Variants in VAV2 observed in about 807,000 individuals in gnomAD.
VAV2 encodes the protein vav guanine nucleotide exchange factor 2.
In VAV2, 67 loss-of-function variants were observed where a neutral mutation model predicts 132.5. The observed-to-expected ratio is 0.51, with a 90% CI of 0.42 to 0.62. VAV2 has a LOEUF of 0.62. Ranked by LOEUF, VAV2 falls within the 20% of genes least tolerant of loss-of-function variation. The pLI is 0.00. For synonymous variants in VAV2, 492 were observed against 443.5 expected (o/e 1.11, Z -1.37); for missense variants, 938 against 1,153.6 (o/e 0.81, Z 2.71).
intron 4 of VAV2, among the ~76,000 whole-genome samples, chr9:133,819,289 CA>C (rs370571874): frequency 4.0e-5 from 6 of 148,450 alleles, no homozygotes; most frequent in East Asian, 2.0e-4. Context: ...CTAAAAAATA[CA>C]AAAAAAAAAT....
chr9:133,834,792 C>A lies in VAV2; in HGVS notation c.381-452G>T, dbSNP rs1003375920. Reference sequence around the variant, plus strand: ...ACGCAGGAGAGGAAGCAGGAGGGGACTCCGGAAGGGAGGGGTGACTTCTGA... The same window carrying A: ...ACGCAGGAGAGGAAGCAGGAGGGGAATCCGGAAGGGAGGGGTGACTTCTGA... On this transcript the variant is annotated intron_variant, in intron 3 of 29. Coordinates refer to ENST00000371850, the MANE Select transcript of VAV2 (RefSeq NM_001134398.2). This position sits in a 1 kb window ranked among gnomAD's most constrained non-coding sequence, Gnocchi z 5.9. Among the ~76,000 whole-genome samples, 3 of 152,204 alleles carry A rather than the reference C, an allele frequency of 2.0e-5. No homozygotes were observed. Among genetic ancestry groups the A allele is most frequent in the African/African-American group, 7.2e-5 (3 of 41,450 alleles).
rs147715595 is a variant in VAV2 at position 133,973,514 on chromosome 9, G to T, written c.204+18561C>A. 4.8e-3 allele frequency among the ~76,000 whole-genome samples: 728 copies of T among 152,286 alleles called. 5 individuals are homozygous for T. The highest frequency in any genetic ancestry group is 0.016 in the African/African-American group (671 of 41,538). ...CTCTCCCCGGAAGGCCATCTGCAAA[G>T]GGCAGCGGTGCAGAAAACCACTCCC... is the stretch of plus-strand genomic sequence containing the variant. On this transcript the variant is annotated intron_variant, in intron 1 of 29. Coordinates refer to ENST00000371850, the MANE Select transcript of VAV2 (RefSeq NM_001134398.2).
chr9:133,790,967 G>A (rs550441921), intron 13 of VAV2, among the ~76,000 whole-genome samples: 16 of 152,140 alleles, frequency 1.1e-4, no homozygotes, highest in Admixed American at 2.6e-4. Flanking sequence ...GGCATATCTG[G>A]TTGGCATTAC....
Position 133,768,505 on chromosome 9 carries a change from C to G in VAV2, c.2526G>C (p.Val842=). 6.2e-7 allele frequency: 1 copy of G among 1,614,012 alleles called. No homozygotes were observed. Among genetic ancestry groups the G allele is most frequent in the Non-Finnish European group, 8.5e-7 (1 of 1,180,000 alleles). Residue 842 remains valine (V), a synonymous_variant, in exon 29 of 30, where the codon GTG becomes GTC. Coordinates refer to ENST00000371850, the MANE Select transcript of VAV2 (RefSeq NM_001134398.2). The surrounding 1 kb of genome is among the most constrained non-coding windows in gnomAD (Gnocchi z 5.3). ...CGCCGATGCGGCTGTAGATCCTCAC[C>G]ACGTCACCCTCCCGCAGCGAAAGCT... ...MRELSLREGD[V]VRIYSRIGGD... is the part of the protein sequence containing the mutation.
chr9:133,861,453 C>T lies in VAV2; in HGVS notation c.322-21G>A, dbSNP rs745631745. ...ATGACCTGGGGGAGACAAGAAGAGA[C>T]GCTCCTGTAATTTCACAAGAAACCA... On this transcript the variant is annotated intron_variant, in intron 2 of 29. Transcript: ENST00000371850. 8.1e-6 allele frequency: 13 copies of T among 1,611,424 alleles called. No homozygotes were observed. The Middle Eastern group carries it at 5.0e-4, about 61-fold the overall frequency.
At chr9:133,835,259 CACTCTGCTCCATCCTCT>C (rs1836423736) in intron 3 of VAV2, among the ~76,000 whole-genome samples, 1 of 152,158 alleles carries the variant, frequency 6.6e-6, no homozygotes, top group African/African-American at 2.4e-5. Flanking sequence ...CCCAAAACAT[CACTCTGCTCCATCCTCT>C]GCAGACAGAC....
At chr9:133,943,100 C>T (rs1204500615) in intron 1 of VAV2, among the ~76,000 whole-genome samples, 2 of 151,894 alleles carry the variant, frequency 1.3e-5, no homozygotes, top group African/African-American at 4.9e-5. Context: ...GAAGCCATGT[C>T]GACATCGGCC....
intron 25 of VAV2, among the ~76,000 whole-genome samples, chr9:133,772,729 T>A (rs935248241): frequency 1.3e-5 from 2 of 152,026 alleles, no homozygotes; most frequent in Non-Finnish European, 2.9e-5. Context: ...CAAATCTCTC[T>A]CCCATACAGT....
At chr9:133,886,146 G>A (rs1404573075) in intron 2 of VAV2, among the ~76,000 whole-genome samples, 3 of 152,122 alleles carry the variant, frequency 2.0e-5, no homozygotes, top group Non-Finnish European at 2.9e-5. Context: ...GGAAAGACAG[G>A]AAGGAGCACC....
intron 29 of VAV2, among the ~76,000 whole-genome samples, chr9:133,765,489 T>C (rs963443337): frequency 1.3e-5 from 2 of 152,120 alleles, no homozygotes; most frequent in African/African-American, 4.8e-5. Context: ...CAAACCTAAA[T>C]TGAGAGATAT....
chr9:133,945,205 T>C (rs1052053785), intron 1 of VAV2, among the ~76,000 whole-genome samples: 2 of 152,212 alleles, frequency 1.3e-5, no homozygotes, highest in African/African-American at 4.8e-5. Context: ...ATCCTGTCTA[T>C]GGGTTTCTGG....
rs977703037 is a variant in VAV2, at chr9:133,834,415, C to T, written c.381-75G>A. The stretch of plus-strand genomic sequence containing the variant: ...CCAGTGGGACCCCAGCTGGACCCCA[C>T]AGCAGAGCCCAGTGTGGCCCAGCCA... On this transcript the variant is annotated intron_variant, in intron 3 of 29. Coordinates refer to ENST00000371850, the MANE Select transcript of VAV2 (RefSeq NM_001134398.2). This position sits in a 1 kb window ranked among gnomAD's most constrained non-coding sequence, Gnocchi z 5.9. 6.1e-6 allele frequency: 9 copies of T among 1,484,176 alleles called. No homozygotes were observed. The highest frequency in any genetic ancestry group is 3.6e-5 in the South Asian group (3 of 83,872). 91.9% of individuals were successfully genotyped at this position (1,484,176 alleles called of 1,614,324 possible).
intron 1 of VAV2, 112 bp from the exon 2 acceptor site, chr9:133,939,331 C>G (rs1841047200): frequency 1.1e-6 from 1 of 929,064 alleles, no homozygotes; most frequent in South Asian, 1.3e-5. Flanking sequence ...CCAGCACATC[C>G]AAGCTCATTC....
chr9:133,773,386 GGA>G (rs1291116625), intron 25 of VAV2, among the ~76,000 whole-genome samples: 1 of 152,254 alleles, frequency 6.6e-6, no homozygotes, highest in Non-Finnish European at 1.5e-5. Context: ...TGGGTGAGCT[GGA>G]GAGTGGTGAG....
At chr9:133,819,448 CAAA>C (rs532943477) in intron 4 of VAV2, among the ~76,000 whole-genome samples, 16 of 136,446 alleles carry the variant, frequency 1.2e-4, no homozygotes, top group African/African-American at 3.7e-4. Context: ...GGCTCCGTCT[CAAA>C]AAAAAAAAAA....
At position 133,788,395 on chromosome 9, in the gene VAV2, T is replaced by C; in HGVS notation, c.1366A>G (p.Lys456Glu). ...TTGTTCATGGGGTCGTCGGTCATCT[T>C]GTGGAACAGCAGCTCGATGATCTCC... ...LKEIIELLFH[K>E]MTDDPMNNKD... The change falls in exon 15 of 30, where the codon AAG becomes GAG. Residue 456 changes from lysine (K) to glutamate (E), a missense_variant. Lys to Glu is a moderately conservative substitution (Grantham distance 56). Transcript: ENST00000371850. This position sits in a 1 kb window ranked among gnomAD's most constrained non-coding sequence, Gnocchi z 5.3. The C allele has an allele frequency of 6.2e-7, 1 of 1,611,922 alleles. No homozygotes were observed. Among genetic ancestry groups the C allele is most frequent in the Non-Finnish European group, 8.5e-7 (1 of 1,178,174 alleles).
chr9:133,855,623 A>AGCCTGCC (rs1837355606), intron 3 of VAV2, among the ~76,000 whole-genome samples: 1 of 152,188 alleles, frequency 6.6e-6, no homozygotes, highest in African/African-American at 2.4e-5. Context: ...TCCGGGATAA[A>AGCCTGCC]GCCTGCCACC....
At position 133,879,741 on chromosome 9, in the gene VAV2, C is replaced by T. The variant is rs1564430290; in HGVS notation, c.322-18309G>A. Among the ~76,000 whole-genome samples the T allele has an allele frequency of 6.6e-6, 1 of 152,020 alleles. No individual in the cohort carries two copies. Among genetic ancestry groups the T allele is most frequent in the Non-Finnish European group, 1.5e-5 (1 of 68,008 alleles). On this transcript the variant is annotated intron_variant, in intron 2 of 29. Coordinates refer to ENST00000371850, the MANE Select transcript of VAV2 (RefSeq NM_001134398.2). The surrounding 1 kb of genome is among the most constrained non-coding windows in gnomAD (Gnocchi z 4.4). ...CTATCCGAGAATCCCTACCGCCTTG[C>T]GAGCTGCAAGTCCGATCTGTGCAAT...
chr9:133,787,455 G>A (rs1397873644), intron 15 of VAV2, among the ~76,000 whole-genome samples, 195 bp from the exon 16 acceptor site: 1 of 152,194 alleles, frequency 6.6e-6, no homozygotes, highest in African/African-American at 2.4e-5. Context: ...TGGCAGGACT[G>A]CCTCATGGGC....
Sources: gnomAD v4.1 joint callset for allele counts (sites outside exome capture counted in the v4.1 genomes callset) on GRCh38, gnomAD v4.1.1 for gene constraint, Gnocchi (gnomAD v3.1) non-coding constraint, MANE v1.5 for transcripts, NCBI Gene and HGNC (gene_info 2026-07-23, HGNC 2026-07-21) for gene names.